The following PRELID2 variants were observed in gnomAD, a reference collection of about 807,000 sequenced individuals.
PRELID2 encodes PRELI domain containing 2, also known as PRELI domain-containing protein 2.
A neutral mutation model predicts 28.4 loss-of-function variants in PRELID2; 25 were observed. That is an observed-to-expected ratio of 0.88 (90% CI 0.64 to 1.23). PRELID2 has a LOEUF of 1.23. PRELID2 is among the 50% of genes most tolerant of loss of function. PRELID2 has a pLI of 0.00. For missense variants in PRELID2, 201 were observed against 214.4 expected, an observed-to-expected ratio of 0.94 and a Z score of 0.39; for synonymous variants, 76 against 71.6, an observed-to-expected ratio of 1.06 and a Z score of -0.31.
intron 1 of PRELID2, among the ~76,000 whole-genome samples, chr5:145,511,891 A>C (rs182744187): frequency 6.6e-6 from 1 of 152,186 alleles, no homozygotes; most frequent in Non-Finnish European, 1.5e-5. Context: ...GACGAGAGAG[A>C]GATTATGCTA....
the PRELID2 span, among the ~76,000 whole-genome samples, chr5:145,335,685 A>T: frequency 6.6e-6 from 1 of 152,230 alleles, no homozygotes; most frequent in African/African-American, 2.4e-5. Context: ...AAACCAATGG[A>T]ATATAGCAAA....
chr5:145,559,455 TA>T (rs1355442590), intron 1 of PRELID2, among the ~76,000 whole-genome samples: 4 of 152,158 alleles, frequency 2.6e-5, no homozygotes, highest in Non-Finnish European at 5.9e-5. Flanking sequence ...CAAAAATACA[TA>T]ATGTAGTCTT....
intron 1 of PRELID2, among the ~76,000 whole-genome samples, chr5:145,604,966 A>T (rs1753481155): frequency 6.8e-6 from 1 of 146,534 alleles, no homozygotes; most frequent in Non-Finnish European, 1.5e-5. Context: ...ATATATATAT[A>T]TTCTTTTGAA....
the PRELID2 span, among the ~76,000 whole-genome samples, chr5:145,420,277 T>C: frequency 1.3e-5 from 2 of 152,130 alleles, no homozygotes; most frequent in African/African-American, 4.8e-5. Context: ...AGAAAGTCAT[T>C]GGTAGCTTGA....
chr5:145,233,399 G>A, the PRELID2 span, among the ~76,000 whole-genome samples: 1 of 152,050 alleles, frequency 6.6e-6, no homozygotes, highest in Admixed American at 6.6e-5. Flanking sequence ...TCCTGAGGTA[G>A]AACATTGTTT....
In PRELID2 at chr5:145,494,018, A is replaced by G. The variant is rs372574337; in HGVS notation, n.71-20703T>C. On this transcript the variant is annotated intron_variant and non_coding_transcript_variant, in intron 1 of 2. Transcript: ENST00000510259. ...CGTAAGTCGCTTGTTCACAGTGATA[A>G]TAGATTCCTGAACATTTACTTAGAT... Among the ~76,000 whole-genome samples the G allele has an allele frequency of 7.9e-5, 12 of 152,310 alleles. 1 individual carries two copies. Among genetic ancestry groups the G allele is most frequent in the African/African-American group, 1.7e-4 (7 of 41,582 alleles).
chr5:145,341,406 AT>A, the PRELID2 span, among the ~76,000 whole-genome samples: 9 of 151,858 alleles, frequency 5.9e-5, no homozygotes, highest in African/African-American at 1.5e-4. Context: ...AAAGAGATAG[AT>A]TTTTTTTCTG....
At chr5:145,364,684 A>G in the PRELID2 span, among the ~76,000 whole-genome samples, 1 of 151,966 alleles carries the variant, frequency 6.6e-6, no homozygotes, top group African/African-American at 2.4e-5. Context: ...GAGTAAACTT[A>G]AGCATTTCAG....
At chr5:145,395,403 C>A in the PRELID2 span, among the ~76,000 whole-genome samples, 1 of 152,070 alleles carries the variant, frequency 6.6e-6, no homozygotes, top group Non-Finnish European at 1.5e-5. Context: ...AAAGGAATTT[C>A]GGCTCTATCC....
At chr5:145,730,184 AGACCCTG>A (rs1449767491) in intron 1 of PRELID2, among the ~76,000 whole-genome samples, 1 of 152,130 alleles carries the variant, frequency 6.6e-6, no homozygotes, top group African/African-American at 2.4e-5. Flanking sequence ...GAGGAGTTTT[AGACCCTG>A]GACCCTGGAC....
At chr5:145,474,770 T>C (rs1326627392) in intron 1 of PRELID2, among the ~76,000 whole-genome samples, 1 of 152,150 alleles carries the variant, frequency 6.6e-6, no homozygotes, top group East Asian at 1.9e-4. Flanking sequence ...CTACAGATTG[T>C]AGTAGTAACT....
intron 1 of PRELID2, among the ~76,000 whole-genome samples, chr5:145,617,615 G>A (rs1044505089): frequency 5.9e-5 from 9 of 151,962 alleles, no homozygotes; most frequent in South Asian, 2.1e-4. Flanking sequence ...GTCTTCAAGC[G>A]CTGAATTTCT....
chr5:145,286,945 G>A, the PRELID2 span, among the ~76,000 whole-genome samples: 1 of 152,100 alleles, frequency 6.6e-6, no homozygotes, highest in South Asian at 2.1e-4. Flanking sequence ...CCTGACCTCA[G>A]GTGATCTGCC....
At chr5:145,498,446 T>C (rs1267565145) in intron 1 of PRELID2, among the ~76,000 whole-genome samples, 1 of 152,142 alleles carries the variant, frequency 6.6e-6, no homozygotes, top group African/African-American at 2.4e-5. Context: ...GATCACCTGA[T>C]TCCAGGAGTT....
the PRELID2 span, among the ~76,000 whole-genome samples, chr5:145,251,657 G>A: frequency 2.0e-5 from 3 of 152,022 alleles, no homozygotes; most frequent in African/African-American, 2.4e-5. Flanking sequence ...GGATACCCTC[G>A]ACAAAATAGT....
chr5:145,342,677 G>C, the PRELID2 span, among the ~76,000 whole-genome samples: 1 of 151,256 alleles, frequency 6.6e-6, no homozygotes, highest in African/African-American at 2.4e-5. Context: ...TCTATTGCTA[G>C]AGAATTATTG....
At chr5:145,237,055 A>G in the PRELID2 span, among the ~76,000 whole-genome samples, 1 of 152,116 alleles carries the variant, frequency 6.6e-6, no homozygotes, top group Non-Finnish European at 1.5e-5. Context: ...AAGTATTAGG[A>G]GGCATCACTT....
intron 1 of PRELID2, among the ~76,000 whole-genome samples, chr5:145,515,590 T>A (rs1021485548): frequency 2.0e-5 from 3 of 152,192 alleles, no homozygotes; most frequent in Non-Finnish European, 4.4e-5. Flanking sequence ...CCATTCCTTC[T>A]GAAACTATTC....
At chr5:145,450,343 A>G in the PRELID2 span, among the ~76,000 whole-genome samples, 12 of 152,146 alleles carry the variant, frequency 7.9e-5, no homozygotes, top group Non-Finnish European at 1.2e-4. Flanking sequence ...CACCCAACTA[A>G]ATACAATTTT....
Sources: gnomAD v4.1 joint callset for allele counts (sites outside exome capture counted in the v4.1 genomes callset) on GRCh38, gnomAD v4.1.1 for gene constraint, MANE v1.5 for transcripts, NCBI Gene and HGNC (gene_info 2026-07-23, HGNC 2026-07-21) for gene names.